Variants in CDH18 observed in about 807,000 individuals in gnomAD.
CDH18 encodes cadherin 18.
CDH18 carries 31 observed loss-of-function variants against 67.9 expected under a neutral mutation model. That is an observed-to-expected ratio of 0.46 (90% CI 0.34 to 0.62). The LOEUF (loss-of-function observed/expected upper bound fraction) is 0.62, where lower values mean the gene tolerates loss of function less well. CDH18 is among the 20% of genes least tolerant of loss of function. The pLI is 0.01. For synonymous variants in CDH18, 362 were observed against 347.2 expected (o/e 1.04, Z -0.48); for missense variants, 890 against 975.5 (o/e 0.91, Z 1.17).
rs116011804 is a variant in CDH18, at chr5:19,721,079, T to A, written c.643+268A>T. On this transcript the variant is annotated intron_variant, in intron 5 of 12. Coordinates refer to ENST00000382275, the MANE Select transcript of CDH18 (RefSeq NM_004934.5). ...TTGTTTTAAACACAGATTATTTATT[T>A]AAGTATTACAGAAATACTGAAGGAT... Among the ~76,000 whole-genome samples, 761 of 152,306 alleles carry A rather than the reference T, an allele frequency of 5.0e-3. 3 individuals are homozygous for A. The highest frequency in any genetic ancestry group is 0.018 in the African/African-American group (733 of 41,568).
intron 1 of CDH18, among the ~76,000 whole-genome samples, chr5:20,533,432 G>A (rs979778820): frequency 6.6e-6 from 1 of 152,100 alleles, no homozygotes; most frequent in African/African-American, 2.4e-5. Flanking sequence ...CTTACACAGG[G>A]AAGCAGTAGA....
chr5:19,601,166 G>C (rs1747070514), intron 6 of CDH18, among the ~76,000 whole-genome samples: 1 of 152,048 alleles, frequency 6.6e-6, no homozygotes, highest in Admixed American at 6.6e-5. Flanking sequence ...TCTGCAGGAG[G>C]TTACAAGCCA....
chr5:20,019,584 T>C (rs1738214215), intron 2 of CDH18, among the ~76,000 whole-genome samples: 1 of 152,200 alleles, frequency 6.6e-6, no homozygotes. Flanking sequence ...TCTCTGTCCA[T>C]ATACAGCATA....
chr5:20,330,284 A>G (rs1739041138), intron 1 of CDH18, among the ~76,000 whole-genome samples: 2 of 152,110 alleles, frequency 1.3e-5, no homozygotes, highest in African/African-American at 2.4e-5. Context: ...ATATAATAGG[A>G]TGATTGAACA....
chr5:19,844,007 G>A (rs1319599404), intron 2 of CDH18, among the ~76,000 whole-genome samples: 1 of 152,116 alleles, frequency 6.6e-6, no homozygotes, highest in Admixed American at 6.5e-5. Context: ...TATCCCCATT[G>A]TATCTATGAA....
At chr5:20,221,945 C>G (rs928296861) in intron 2 of CDH18, among the ~76,000 whole-genome samples, 1 of 152,056 alleles carries the variant, frequency 6.6e-6, no homozygotes, top group Non-Finnish European at 1.5e-5. Flanking sequence ...TCTTGTTGTA[C>G]TTATATGCTC....
chr5:20,109,472 T>G (rs183580081), intron 2 of CDH18, among the ~76,000 whole-genome samples: 2 of 152,296 alleles, frequency 1.3e-5, no homozygotes, highest in East Asian at 3.9e-4. Flanking sequence ...AACAGACTTA[T>G]ACGGCAACAC....
intron 2 of CDH18, among the ~76,000 whole-genome samples, chr5:20,093,018 G>GCATAA (rs1745578303): frequency 2.0e-5 from 3 of 152,044 alleles, no homozygotes; most frequent in African/African-American, 7.2e-5. Flanking sequence ...GGTAAAATAT[G>GCATAA]CATAACATAA....
intron 2 of CDH18, among the ~76,000 whole-genome samples, chr5:20,188,197 T>A (rs1477767135): frequency 6.6e-6 from 1 of 152,028 alleles, no homozygotes; most frequent in Non-Finnish European, 1.5e-5. Context: ...TTAAATAATG[T>A]AATTATTTTT....
At chr5:19,941,674 C>A (rs1794832800) in intron 2 of CDH18, among the ~76,000 whole-genome samples, 1 of 151,916 alleles carries the variant, frequency 6.6e-6, no homozygotes, top group South Asian at 2.1e-4. Context: ...GTAGTCTCAG[C>A]TACTTGGAAA....
intron 2 of CDH18, among the ~76,000 whole-genome samples, chr5:20,093,225 A>G (rs1029169009): frequency 4.6e-5 from 7 of 151,954 alleles, no homozygotes; most frequent in Admixed American, 1.3e-4. Context: ...ATACACACAC[A>G]CATAAACACA....
chr5:19,711,465 A>T (rs1764695878), intron 5 of CDH18, among the ~76,000 whole-genome samples: 2 of 151,990 alleles, frequency 1.3e-5, no homozygotes, highest in African/African-American at 4.8e-5. Flanking sequence ...GACATAACAG[A>T]CATTTCTCAA....
At chr5:19,593,522 A>AT (rs1745526127) in intron 6 of CDH18, among the ~76,000 whole-genome samples, 1 of 151,236 alleles carries the variant, frequency 6.6e-6, no homozygotes. Context: ...GTTATTGATC[A>AT]TTTTTTTCCT....
chr5:20,456,224 T>C (rs1434378287), intron 1 of CDH18, among the ~76,000 whole-genome samples: 2 of 152,090 alleles, frequency 1.3e-5, no homozygotes, highest in Admixed American at 6.6e-5. Context: ...ATTTACTAAA[T>C]AGACATTCCA....
intron 2 of CDH18, among the ~76,000 whole-genome samples, chr5:20,010,891 C>T (rs1737380270): frequency 6.6e-6 from 1 of 152,102 alleles, no homozygotes; most frequent in African/African-American, 2.4e-5. Flanking sequence ...AATTGCTTTC[C>T]TCTGACTTTT....
chr5:20,432,744 C>T, intron 1 of CDH18, among the ~76,000 whole-genome samples: 1 of 151,814 alleles, frequency 6.6e-6, no homozygotes, highest in East Asian at 1.9e-4. Context: ...GCTAACAATC[C>T]TATTTTAACT....
intron 1 of CDH18, among the ~76,000 whole-genome samples, chr5:20,482,827 G>A (rs1752910317): frequency 6.6e-6 from 1 of 151,962 alleles, no homozygotes; most frequent in South Asian, 2.1e-4. Flanking sequence ...ATACTTAATG[G>A]GGGAAAACTG....
intron 2 of CDH18, among the ~76,000 whole-genome samples, chr5:19,845,070 G>T (rs1250787426): frequency 6.6e-6 from 1 of 152,008 alleles, no homozygotes; most frequent in Non-Finnish European, 1.5e-5. Flanking sequence ...AGATGTTAAT[G>T]AATATTGTCT....
rs114936372 is a variant in CDH18, at chr5:19,780,129, C to A, written c.229-32893G>T. Among the ~76,000 whole-genome samples the A allele has an allele frequency of 9.5e-3, 1,448 of 152,178 alleles. 6 individuals carry two copies. The highest frequency in any genetic ancestry group is 0.016 in the African/African-American group (651 of 41,550). ...ATCTGTTTATTCCATATAGTGAGCT[C>A]CATCCACAGAAGAGTGCATAACTTC... On this transcript the variant is annotated intron_variant, in intron 3 of 12. Coordinates refer to ENST00000382275, the MANE Select transcript of CDH18 (RefSeq NM_004934.5).
Sources: gnomAD v4.1 joint callset for allele counts (sites outside exome capture counted in the v4.1 genomes callset) on GRCh38, gnomAD v4.1.1 for gene constraint, MANE v1.5 for transcripts, NCBI Gene and HGNC (gene_info 2026-07-23, HGNC 2026-07-21) for gene names.